The following COG4 variants were observed in gnomAD, a reference collection of about 807,000 sequenced individuals.
COG4 encodes component of oligomeric golgi complex 4, also known as conserved oligomeric Golgi complex subunit 4.
COG4 carries 65 observed loss-of-function variants against 95.1 expected under a neutral mutation model. That is an observed-to-expected ratio of 0.68 (90% CI 0.56 to 0.84). The LOEUF is 0.84. Among genes scored for constraint, COG4 ranks in the 40% least tolerant of loss-of-function variants. COG4 has a pLI of 0.00. For missense variants in COG4, 1,045 were observed against 989.1 expected, an observed-to-expected ratio of 1.06 and a Z score of -0.76; for synonymous variants, 421 against 374.8, an observed-to-expected ratio of 1.12 and a Z score of -1.42.
At chr16:70,494,332 TG>T (rs2049299734) in intron 12 of COG4, among the ~76,000 whole-genome samples, 1 of 152,220 alleles carries the variant, frequency 6.6e-6, no homozygotes, top group Non-Finnish European at 1.5e-5. Context: ...GTGGATTCAC[TG>T]GGTTTATTCC....
rs1203684755 is a variant in COG4 at position 70,508,107 on chromosome 16, G to T, written c.1061+299C>A. ...AGCTAATTTTTGTATTTTTAGTAGA[G>T]ACGGGGTTTCACCATATTGGCCAGG... On this transcript the variant is annotated intron_variant, in intron 8 of 18. Coordinates refer to ENST00000323786, the MANE Select transcript of COG4 (RefSeq NM_015386.3). Among the ~76,000 whole-genome samples, 3 of 151,840 alleles carry T rather than the reference G, an allele frequency of 2.0e-5. No individual in the cohort carries two copies. The East Asian group carries it at 5.9e-4, about 30-fold the overall frequency.
chr16:70,490,275 A>G (rs1308533566), intron 13 of COG4, 55 bp downstream of exon 13: 1 of 1,403,074 alleles, frequency 7.1e-7, no homozygotes, highest in East Asian at 2.3e-5. Context: ...ATAGGGCTCT[A>G]TCTCAACATG....
Position 70,523,455 on chromosome 16 carries a change from G to A in COG4, c.89C>T (p.Ser30Phe). The A allele has an allele frequency of 6.2e-7, 1 of 1,614,106 alleles. No homozygotes were observed. Among genetic ancestry groups the A allele is most frequent in the Non-Finnish European group, 8.5e-7 (1 of 1,180,022 alleles). ...GCGAATGAGCTCAGCGGAGATTTCG[G>A]AGCAGCGGCCACCTCCCACCCCCTC... ...PSEGVGGGRC[S>F]EISAELIRSL... The change falls in exon 1 of 19, where the codon TCC (serine) becomes TTC (phenylalanine). Residue 30 changes from serine to phenylalanine, a missense_variant. By Grantham distance (155) the Ser-to-Phe change is radical (BLOSUM62 -2). Transcript: ENST00000323786.
chr16:70,481,214 A>AG, intron 18 of COG4, 70 bp from the exon 19 acceptor site: 1 of 1,607,898 alleles, frequency 6.2e-7, no homozygotes, highest in East Asian at 2.2e-5. Context: ...GGCCTCTACC[A>AG]GGGGCAGAGC....
At chr16:70,509,723 A>G in intron 6 of COG4, 193 bp downstream of exon 6, 1 of 629,952 alleles carries the variant, frequency 1.6e-6, no homozygotes, top group Non-Finnish European at 2.8e-6. Flanking sequence ...AGGTAGGATC[A>G]AAACACTGGA....
intron 10 of COG4, among the ~76,000 whole-genome samples, chr16:70,497,686 C>A (rs528050224): frequency 6.6e-5 from 10 of 152,194 alleles, no homozygotes; most frequent in Admixed American, 2.0e-4. Context: ...AGGTAGGGAA[C>A]AAGTGGGCTC....
Position 70,481,709 on chromosome 16 carries a change from A to C in COG4, c.2106+55T>G, listed in dbSNP as rs1460954302. 2.7e-6 allele frequency: 4 copies of C among 1,500,660 alleles called. No homozygotes were observed. In the African/African-American group the frequency reaches 5.5e-5, roughly 21 times the overall value. 93.0% of individuals were successfully genotyped at this position (1,500,660 alleles called of 1,614,324 possible). A position where few individuals can be genotyped will look rare whatever the true frequency, so the allele number is the denominator to read the frequency against. Reference sequence around the variant, plus strand: ...CAAGTCCTGGGGGTGGTGGCATGACATGTCTTCCTCAGAGGAGAAACGAGA... The same window carrying C: ...CAAGTCCTGGGGGTGGTGGCATGACCTGTCTTCCTCAGAGGAGAAACGAGA... On this transcript the variant is annotated intron_variant, in intron 17 of 18. Coordinates refer to ENST00000323786, the MANE Select transcript of COG4 (RefSeq NM_015386.3).
rs75464837 is a variant in COG4 at position 70,504,295 on chromosome 16, T to A, written c.1062-3204A>T. Among the ~76,000 whole-genome samples, 527 of 152,086 alleles carry A rather than the reference T, an allele frequency of 3.5e-3. 7 individuals carry two copies. Among genetic ancestry groups the A allele is most frequent in the African/African-American group, 0.012 (491 of 41,500 alleles). ...AACCATCTTACAATGCGTAGAACAG[T>A]CCCCACCTAACAAAAAATTATCCAG... On this transcript the variant is annotated intron_variant, in intron 8 of 18. Coordinates refer to ENST00000323786, the MANE Select transcript of COG4 (RefSeq NM_015386.3).
intron 12 of COG4, among the ~76,000 whole-genome samples, chr16:70,492,773 G>C (rs2049270641): frequency 6.6e-6 from 1 of 151,566 alleles, no homozygotes; most frequent in Admixed American, 6.6e-5. Flanking sequence ...GACCATCCTG[G>C]CCAACATGGC....
At chr16:70,505,031 T>C (rs1461347036) in intron 8 of COG4, among the ~76,000 whole-genome samples, 2 of 152,166 alleles carry the variant, frequency 1.3e-5, no homozygotes, top group African/African-American at 2.4e-5. Context: ...TGACATTACA[T>C]ATGTATTAGC....
At position 70,523,471 on chromosome 16, in the gene COG4, C is replaced by G; in HGVS notation, c.73G>C (p.Gly25Arg). The change falls in exon 1 of 19, where the codon GGA (glycine) becomes CGA (arginine). Residue 25 changes from glycine (G) to arginine (R), a missense_variant. Gly to Arg is a moderately radical substitution (Grantham distance 125). Transcript: ENST00000323786. ...SGVQQPSEGV[G>R]GGRCSEISAE... Reference sequence around the variant, plus strand: ...GAGATTTCGGAGCAGCGGCCACCTCCCACCCCCTCAGACGGCTGCTGCACC... The same window carrying G: ...GAGATTTCGGAGCAGCGGCCACCTCGCACCCCCTCAGACGGCTGCTGCACC... The G allele has an allele frequency of 6.2e-7, 1 of 1,614,106 alleles. No individual in the cohort carries two copies. Among genetic ancestry groups the G allele is most frequent in the Non-Finnish European group, 8.5e-7 (1 of 1,180,016 alleles).
rs1026342385 is a variant in COG4 at position 70,482,359 on chromosome 16, G to A, written c.1921-184C>T. On this transcript the variant is annotated intron_variant, in intron 15 of 18. Coordinates refer to ENST00000323786, the MANE Select transcript of COG4 (RefSeq NM_015386.3). ...CAGAAACTGACCAGCAAACAGCCCAGGGCTGTAGCAGTGGCCCACATAACA... is the reference window on the plus strand; with the variant it reads ...CAGAAACTGACCAGCAAACAGCCCAAGGCTGTAGCAGTGGCCCACATAACA... 5.9e-6 allele frequency: 4 copies of A among 674,054 alleles called. No individual in the cohort carries two copies. The African/African-American group carries it at 7.1e-5, about 12-fold the overall frequency. The allele number at this position is 674,054 out of a possible 1,614,324, so 41.8% of individuals were successfully genotyped here. A position where few individuals can be genotyped will look rare whatever the true frequency, so the allele number is the denominator to read the frequency against.
rs768144606 is a variant in COG4 at position 70,481,421 on chromosome 16, A to G, written c.2173T>C (p.Trp725Arg). The change falls in exon 18 of 19, where the codon TGG becomes CGG. Residue 725 changes from tryptophan (W) to arginine (R), a missense_variant. Trp to Arg is a moderately radical substitution (Grantham distance 101). Coordinates refer to ENST00000323786, the MANE Select transcript of COG4 (RefSeq NM_015386.3). Reference protein sequence around the residue: ...LIAYLTTVTTWTIRDKFARLS... With the variant: ...LIAYLTTVTTRTIRDKFARLS... ...CGGGCAAACTTGTCTCGGATGGTCCAGGTGGTCACCGTGGTAAGGTAGGCA... is the reference window on the plus strand; with the variant it reads ...CGGGCAAACTTGTCTCGGATGGTCCGGGTGGTCACCGTGGTAAGGTAGGCA... 2.5e-6 allele frequency: 4 copies of G among 1,613,238 alleles called. No individual in the cohort carries two copies. The highest frequency in any genetic ancestry group is 3.4e-6 in the Non-Finnish European group (4 of 1,179,988).
Position 70,489,220 on chromosome 16 carries a change from ATTT to A in COG4, c.1710+1107_1710+1109del, listed in dbSNP as rs34101495. Among the ~76,000 whole-genome samples, 5 of 141,856 alleles carry A rather than the reference ATTT, an allele frequency of 3.5e-5. 1 individual carries two copies. The highest frequency in any genetic ancestry group is 6.2e-5 in the Non-Finnish European group (4 of 64,532). 93.1% of individuals were successfully genotyped at this position (141,856 alleles called of 152,430 possible). Reference sequence around the variant, plus strand: ...TTTTTATAAGGTGCTTTTGATCCTGATTTTTTTTTTTTTTTTGAGACAGAATCT... The same window carrying A: ...TTTTTATAAGGTGCTTTTGATCCTGATTTTTTTTTTTTTGAGACAGAATCT... On this transcript the variant is annotated intron_variant, in intron 13 of 18. Coordinates refer to ENST00000323786, the MANE Select transcript of COG4 (RefSeq NM_015386.3).
chr16:70,497,197 A>G lies in COG4; in HGVS notation c.1481+24T>C, dbSNP rs201143163. ...AACAGGAAGGGCCTTTCTGCCTAGA[A>G]AGGAGAAAGGGAGTCAACTGTACCT... is the stretch of plus-strand genomic sequence containing the variant. On this transcript the variant is annotated intron_variant, in intron 11 of 18. Coordinates refer to ENST00000323786, the MANE Select transcript of COG4 (RefSeq NM_015386.3). The G allele has an allele frequency of 6.3e-5, 101 of 1,613,054 alleles. 1 individual carries two copies. The African/African-American group carries it at 9.7e-4, about 16-fold the overall frequency.
intron 12 of COG4, among the ~76,000 whole-genome samples, chr16:70,495,397 C>CAAAAAAAAAAAAAAAAAAAAAAAAAAA (rs11382671): frequency 6.3e-5 from 7 of 111,324 alleles, no homozygotes; most frequent in African/African-American, 2.1e-4. Flanking sequence ...GACTCCATCT[C>CAAAAAAAAAAAAAAAAAAAAAAAAAAA]AAAAAAAAAA....
chr16:70,507,513 A>T (rs2049603294), intron 8 of COG4, among the ~76,000 whole-genome samples: 1 of 152,104 alleles, frequency 6.6e-6, no homozygotes, highest in Non-Finnish European at 1.5e-5. Flanking sequence ...GGCTAAGTAC[A>T]CCCTACGATG....
intron 1 of COG4, among the ~76,000 whole-genome samples, 170 bp from the exon 2 acceptor site, chr16:70,519,901 T>C (rs1377118648): frequency 2.6e-5 from 4 of 152,242 alleles, no homozygotes; most frequent in Admixed American, 6.5e-5. Context: ...TGTTGCATGA[T>C]TGTTATCTTA....
In COG4 at chr16:70,481,841, C is replaced by T. The variant is rs201489417; in HGVS notation, c.2029G>A (p.Asp677Asn). 71 of 1,613,890 alleles carry T rather than the reference C, an allele frequency of 4.4e-5. No individual in the cohort carries two copies. In the Admixed American group the frequency reaches 6.8e-4, roughly 16 times the overall value. The change falls in exon 17 of 19, where the codon GAC (aspartate) becomes AAC (asparagine). Residue 677 changes from aspartate to asparagine, a missense_variant. Coordinates refer to ENST00000323786, the MANE Select transcript of COG4 (RefSeq NM_015386.3). The stretch of plus-strand genomic sequence containing the variant: ...CTAGTCATGAGGCCGGTTAGGCTGT[C>T]GTAGATGACCGGGGACAGGCTGGCC... Reference protein sequence around the residue: ...FKASLSPVIYDSLTGLMTSLV... With the variant: ...FKASLSPVIYNSLTGLMTSLV...
Sources: gnomAD v4.1 joint callset for allele counts (sites outside exome capture counted in the v4.1 genomes callset) on GRCh38, gnomAD v4.1.1 for gene constraint, MANE v1.5 for transcripts, NCBI Gene and HGNC (gene_info 2026-07-23, HGNC 2026-07-21) for gene names.